The following ATRNL1 variants were observed in gnomAD, a reference collection of about 807,000 sequenced individuals.
ATRNL1 encodes the protein attractin-like protein 1.
Under a neutral mutation model 182.7 loss-of-function variants are expected in ATRNL1, and 95 were observed. That is an observed-to-expected ratio of 0.52 (90% CI 0.44 to 0.62). The LOEUF is 0.62. ATRNL1 is among the 20% of genes least tolerant of loss of function. The pLI is 0.00. For synonymous variants in ATRNL1, 576 were observed against 568.3 expected, an observed-to-expected ratio of 1.01 and a Z score of -0.19; for missense variants, 1,471 against 1,679.5, an observed-to-expected ratio of 0.88 and a Z score of 2.17.
chr10:115,621,313 A>AGAGAGT (rs1363164268), intron 26 of ATRNL1, among the ~76,000 whole-genome samples: 3 of 74,068 alleles, frequency 4.1e-5, no homozygotes, highest in African/African-American at 1.3e-4. Flanking sequence ...AGAGAGAGAG[A>AGAGAGT]GTGTGTGAGT....
At chr10:115,867,103 C>G (rs1201042776) in intron 28 of ATRNL1, among the ~76,000 whole-genome samples, 7 of 151,918 alleles carry the variant, frequency 4.6e-5, no homozygotes, top group African/African-American at 1.7e-4. Context: ...TCTGAAATTC[C>G]TATTTTTCAC....
intron 19 of ATRNL1, among the ~76,000 whole-genome samples, chr10:115,391,464 C>T (rs1844014357): frequency 6.6e-6 from 1 of 152,070 alleles, no homozygotes; most frequent in East Asian, 1.9e-4. Flanking sequence ...ACCTTGGGTT[C>T]AGTGAGGCAG....
intron 28 of ATRNL1, among the ~76,000 whole-genome samples, chr10:115,856,163 T>G (rs2134378419): frequency 6.6e-6 from 1 of 152,190 alleles, no homozygotes; most frequent in Non-Finnish European, 1.5e-5. Context: ...GCACGGTAGC[T>G]CATGCCTGTA....
chr10:115,532,352 G>A (rs2034662764), intron 25 of ATRNL1, among the ~76,000 whole-genome samples: 1 of 152,094 alleles, frequency 6.6e-6, no homozygotes, highest in Non-Finnish European at 1.5e-5. Context: ...CACATCCCTT[G>A]TAAGTTGGAT....
chr10:115,344,077 A>C (rs1855869885), intron 19 of ATRNL1, among the ~76,000 whole-genome samples: 1 of 152,172 alleles, frequency 6.6e-6, no homozygotes. Context: ...CTGGTCAGAC[A>C]TGAAGCCAGC....
chr10:115,782,743 C>T (rs1465171071), intron 27 of ATRNL1, among the ~76,000 whole-genome samples: 2 of 152,120 alleles, frequency 1.3e-5, no homozygotes, highest in Non-Finnish European at 2.9e-5. Context: ...AATAATAGCC[C>T]TTGGCAGTGA....
At chr10:115,607,713 T>C (rs2245045) in intron 26 of ATRNL1, among the ~76,000 whole-genome samples, 44,250 of 151,652 alleles carry the variant, frequency 0.29, 7,636 homozygotes, top group East Asian at 0.68. Flanking sequence ...CTGCAGATTG[T>C]ATATCACTGA....
At chr10:115,695,759 A>G (rs1555049572) in intron 26 of ATRNL1, among the ~76,000 whole-genome samples, 1 of 152,192 alleles carries the variant, frequency 6.6e-6, no homozygotes, top group African/African-American at 2.4e-5. Context: ...GCCATTTAAT[A>G]GTAACATCAC....
chr10:115,729,734 T>C (rs1555062039), intron 27 of ATRNL1, among the ~76,000 whole-genome samples: 1 of 152,168 alleles, frequency 6.6e-6, no homozygotes, highest in Non-Finnish European at 1.5e-5. Flanking sequence ...CCATCTCAAA[T>C]AAAATTAATA....
intron 26 of ATRNL1, among the ~76,000 whole-genome samples, chr10:115,644,371 A>G (rs990710124): frequency 6.6e-6 from 1 of 152,152 alleles, no homozygotes; most frequent in African/African-American, 2.4e-5. Flanking sequence ...TGTACCAAAC[A>G]CTGCTGCACT....
chr10:115,242,575 A>G (rs1850468660), intron 10 of ATRNL1, among the ~76,000 whole-genome samples: 1 of 152,048 alleles, frequency 6.6e-6, no homozygotes, highest in African/African-American at 2.4e-5. Context: ...AAGTAAAATA[A>G]AAGAATAACA....
chr10:115,467,284 C>T (rs79349538), intron 23 of ATRNL1, 32 bp downstream of exon 23: 2 of 1,456,478 alleles, frequency 1.4e-6, no homozygotes, highest in East Asian at 2.4e-5. Flanking sequence ...ATCTCTTTTA[C>T]ATGTGTTCCT....
chr10:115,609,873 G>C (rs367811811), intron 26 of ATRNL1, among the ~76,000 whole-genome samples: 1 of 152,072 alleles, frequency 6.6e-6, no homozygotes, highest in African/African-American at 2.4e-5. Flanking sequence ...TTGTTCTTAC[G>C]GTATCCGTGG....
chr10:115,102,014 G>A (rs782280164), intron 1 of ATRNL1, among the ~76,000 whole-genome samples: 2 of 152,106 alleles, frequency 1.3e-5, no homozygotes, highest in East Asian at 1.9e-4. Flanking sequence ...ATACATTTCA[G>A]TTAGGTCAAC....
intron 27 of ATRNL1, among the ~76,000 whole-genome samples, chr10:115,777,804 T>C (rs897459384): frequency 2.0e-5 from 3 of 151,990 alleles, no homozygotes; most frequent in Admixed American, 2.0e-4. Context: ...AAAGGAACAA[T>C]GCGTGAGTTA....
chr10:115,902,531 T>C (rs1952386373), intron 28 of ATRNL1, among the ~76,000 whole-genome samples: 1 of 152,102 alleles, frequency 6.6e-6, no homozygotes, highest in South Asian at 2.1e-4. Context: ...GGAAGGGAAA[T>C]ACTTGCATGG....
chr10:115,549,591 C>T, intron 26 of ATRNL1, 55 bp downstream of exon 26: 1 of 1,177,792 alleles, frequency 8.5e-7, no homozygotes, highest in Non-Finnish European at 1.2e-6. Flanking sequence ...ATATATGGAT[C>T]TCTATTGTCT....
chr10:115,907,079 G>A (rs181054285), intron 28 of ATRNL1, among the ~76,000 whole-genome samples: 2 of 150,700 alleles, frequency 1.3e-5, no homozygotes, highest in Admixed American at 6.5e-5. Context: ...TTTCCTAGAT[G>A]AGGAATTTGA....
chr10:115,174,628 A>G (rs1157493000), intron 8 of ATRNL1, among the ~76,000 whole-genome samples: 1 of 152,008 alleles, frequency 6.6e-6, no homozygotes, highest in Non-Finnish European at 1.5e-5. Flanking sequence ...TGTTGGTCTT[A>G]CAGTCTCTGT....
Sources: gnomAD v4.1 joint callset for allele counts (sites outside exome capture counted in the v4.1 genomes callset) on GRCh38, gnomAD v4.1.1 for gene constraint, MANE v1.5 for transcripts, NCBI Gene and HGNC (gene_info 2026-07-23, HGNC 2026-07-21) for gene names.